Variants in GPR137C observed in about 807,000 individuals in gnomAD.
GPR137C encodes G protein-coupled receptor 137C.
GPR137C carries 27 observed loss-of-function variants against 43.4 expected under a neutral mutation model. The observed-to-expected ratio is 0.62, with a 90% CI of 0.46 to 0.86. The LOEUF (loss-of-function observed/expected upper bound fraction) is 0.86. GPR137C is among the 40% of genes least tolerant of loss of function. The pLI is 0.00. For missense variants in GPR137C, 522 were observed against 534.6 expected (o/e 0.98, Z 0.23); for synonymous variants, 285 against 226.9 (o/e 1.26, Z -2.30).
intron 1 of GPR137C, among the ~76,000 whole-genome samples, chr14:52,588,215 G>T (rs190988890): frequency 2.4e-4 from 37 of 152,256 alleles, no homozygotes; most frequent in African/African-American, 8.4e-4. Flanking sequence ...TGCAATCTTG[G>T]CTCACTGCAC....
chr14:52,578,506 A>T (rs2038597125), intron 1 of GPR137C, among the ~76,000 whole-genome samples: 1 of 151,976 alleles, frequency 6.6e-6, no homozygotes, highest in Non-Finnish European at 1.5e-5. Context: ...TTTGTTCATG[A>T]GCTCCATATC....
chr14:52,612,568 T>C lies in GPR137C; in HGVS notation c.717+12227T>C, dbSNP rs138078482. 178 of 959,152 alleles carry C rather than the reference T, an allele frequency of 1.9e-4. No individual in the cohort carries two copies. The African/African-American group carries it at 3.0e-3, about 16-fold the overall frequency. 59.4% of individuals were successfully genotyped at this position (959,152 alleles called of 1,614,324 possible). ...TTTATGTTATGATTTGCATTACTTT[T>C]TTTTCTTGATAGAGACACATTCTCA... On this transcript the variant is annotated intron_variant, in intron 3 of 6. Coordinates refer to ENST00000321662, the MANE Select transcript of GPR137C (RefSeq NM_001099652.2).
At chr14:52,610,371 G>A (rs896359419) in intron 3 of GPR137C, among the ~76,000 whole-genome samples, 7 of 152,068 alleles carry the variant, frequency 4.6e-5, no homozygotes, top group African/African-American at 7.2e-5. Flanking sequence ...CCTTATCTGC[G>A]GTTTCCTTTC....
intron 1 of GPR137C, among the ~76,000 whole-genome samples, chr14:52,580,616 G>A (rs773314276): frequency 6.6e-5 from 10 of 151,700 alleles, no homozygotes; most frequent in South Asian, 2.1e-4. Context: ...CACCCACCTC[G>A]GCCTCCCAAA....
chr14:52,569,009 C>G (rs1345292110), intron 1 of GPR137C, among the ~76,000 whole-genome samples: 1 of 152,184 alleles, frequency 6.6e-6, no homozygotes, highest in Non-Finnish European at 1.5e-5. Context: ...GGAGATACCT[C>G]CCAGCAAGGG....
At chr14:52,577,511 C>CCT (rs2038576636) in intron 1 of GPR137C, among the ~76,000 whole-genome samples, 1 of 132,056 alleles carries the variant, frequency 7.6e-6, no homozygotes, top group African/African-American at 3.1e-5. Context: ...CGCGTGCGCG[C>CCT]GCGCGCACAC....
At chr14:52,579,828 T>A (rs1038191012) in intron 1 of GPR137C, among the ~76,000 whole-genome samples, 2 of 152,118 alleles carry the variant, frequency 1.3e-5, no homozygotes, top group Non-Finnish European at 2.9e-5. Context: ...GTGCCCAAGA[T>A]TTTTTTTATT....
intron 1 of GPR137C, among the ~76,000 whole-genome samples, chr14:52,566,538 T>C (rs942234385): frequency 1.3e-5 from 2 of 152,136 alleles, no homozygotes; most frequent in East Asian, 3.9e-4. Context: ...CCAATTGGCA[T>C]TTTTTTAAAA....
At chr14:52,570,809 C>T (rs1386593176) in intron 1 of GPR137C, among the ~76,000 whole-genome samples, 1 of 152,134 alleles carries the variant, frequency 6.6e-6, no homozygotes, top group Non-Finnish European at 1.5e-5. Flanking sequence ...TATATATGCA[C>T]CCAATACAGG....
At chr14:52,597,687 A>G (rs1383666826) in intron 1 of GPR137C, among the ~76,000 whole-genome samples, 2 of 152,180 alleles carry the variant, frequency 1.3e-5, no homozygotes, top group East Asian at 3.8e-4. Flanking sequence ...AGAATATACC[A>G]TGTTTATTTC....
chr14:52,558,056 T>G (rs906603136), intron 1 of GPR137C, among the ~76,000 whole-genome samples: 1 of 151,304 alleles, frequency 6.6e-6, no homozygotes, highest in African/African-American at 2.4e-5. Context: ...GAGTAGTCAG[T>G]CTTTTTCAGT....
At chr14:52,590,348 G>C (rs2038766507) in intron 1 of GPR137C, among the ~76,000 whole-genome samples, 1 of 152,188 alleles carries the variant, frequency 6.6e-6, no homozygotes, top group East Asian at 1.9e-4. Flanking sequence ...GTCAGTACAA[G>C]AGTCAAAAAC....
chr14:52,633,050 T>C (rs928100733), intron 4 of GPR137C, among the ~76,000 whole-genome samples: 5 of 152,128 alleles, frequency 3.3e-5, no homozygotes, highest in African/African-American at 4.8e-5. Flanking sequence ...TCCATTTCCC[T>C]CTTCCAACAT....
At chr14:52,577,183 CAAAAAAAAA>C (rs34249999) in intron 1 of GPR137C, among the ~76,000 whole-genome samples, 30 of 41,172 alleles carry the variant, frequency 7.3e-4, no homozygotes, top group Non-Finnish European at 9.4e-4. Context: ...TAAGACTCCT[CAAAAAAAAA>C]AAAAAAAAAA....
chr14:52,560,297 A>G (rs1177689828), intron 1 of GPR137C, among the ~76,000 whole-genome samples: 3 of 152,328 alleles, frequency 2.0e-5, no homozygotes, highest in African/African-American at 4.8e-5. Flanking sequence ...GGAAAAATAT[A>G]CCCTGAAAAG....
At chr14:52,559,287 C>CAGG (rs2139433446) in intron 1 of GPR137C, among the ~76,000 whole-genome samples, 1 of 152,132 alleles carries the variant, frequency 6.6e-6, no homozygotes, top group South Asian at 2.1e-4. Flanking sequence ...AGAGAGAAGG[C>CAGG]AGGAGAATCA....
At chr14:52,586,387 T>G (rs1188883033) in intron 1 of GPR137C, among the ~76,000 whole-genome samples, 1 of 152,238 alleles carries the variant, frequency 6.6e-6, no homozygotes, top group East Asian at 1.9e-4. Flanking sequence ...CTCCTTGCAC[T>G]TCTGCTCTGT....
intron 1 of GPR137C, among the ~76,000 whole-genome samples, chr14:52,597,898 C>T (rs1056192966): frequency 2.0e-5 from 3 of 152,140 alleles, no homozygotes; most frequent in African/African-American, 7.2e-5. Context: ...CAGCCATATT[C>T]ATATTTAAGC....
intron 1 of GPR137C, among the ~76,000 whole-genome samples, chr14:52,596,125 A>T (rs560896499): frequency 2.0e-5 from 3 of 152,102 alleles, no homozygotes; most frequent in African/African-American, 7.2e-5. Context: ...TTCAGAACCT[A>T]TTTGCCTGGG....
Sources: gnomAD v4.1 joint callset for allele counts (sites outside exome capture counted in the v4.1 genomes callset) on GRCh38, gnomAD v4.1.1 for gene constraint, MANE v1.5 for transcripts, NCBI Gene and HGNC (gene_info 2026-07-23, HGNC 2026-07-21) for gene names.